Variants in SYT9 observed in about 807,000 individuals in gnomAD.
The protein encoded by SYT9 is synaptotagmin 9, also known as synaptotagmin-9.
In SYT9, 22 loss-of-function variants were observed where a neutral mutation model predicts 48.4. That is an observed-to-expected ratio of 0.45 (90% CI 0.32 to 0.65). The LOEUF (loss-of-function observed/expected upper bound fraction) is 0.65, where lower values mean the gene tolerates loss of function less well. SYT9 is among the 30% of genes least tolerant of loss of function. The pLI is 0.03. For synonymous variants in SYT9, 265 were observed against 245.0 expected, an observed-to-expected ratio of 1.08 and a Z score of -0.76; for missense variants, 577 against 622.0, an observed-to-expected ratio of 0.93 and a Z score of 0.77.
intron 2 of SYT9, among the ~76,000 whole-genome samples, chr11:7,309,246 C>T (rs1283740001): frequency 6.6e-6 from 1 of 152,152 alleles, no homozygotes; most frequent in Non-Finnish European, 1.5e-5. Context: ...GTTCCAACCC[C>T]AGCAGCCAGC....
At chr11:7,397,182 G>C (rs1846771910) in intron 3 of SYT9, among the ~76,000 whole-genome samples, 1 of 152,048 alleles carries the variant, frequency 6.6e-6, no homozygotes, top group Non-Finnish European at 1.5e-5. Context: ...CATACAAAGT[G>C]AACAAAACAT....
chr11:7,267,127 A>C (rs1003013490), intron 1 of SYT9, among the ~76,000 whole-genome samples: 1 of 152,102 alleles, frequency 6.6e-6, no homozygotes, highest in African/African-American at 2.4e-5. Flanking sequence ...TAGAAGTCAT[A>C]AACTTTTACT....
chr11:7,462,974 C>A (rs1462901520), intron 6 of SYT9, among the ~76,000 whole-genome samples: 1 of 152,222 alleles, frequency 6.6e-6, no homozygotes, highest in African/African-American at 2.4e-5. Flanking sequence ...TTCATTAGGA[C>A]AGTTCTCATC....
chr11:7,436,860 A>G (rs7102917), intron 6 of SYT9, among the ~76,000 whole-genome samples: 62,144 of 151,976 alleles, frequency 0.41, 13,018 homozygotes, highest in Middle Eastern at 0.48. Flanking sequence ...ATTACAGCTC[A>G]GCCACTTCGA....
chr11:7,466,508 G>A (rs914231602), intron 6 of SYT9, among the ~76,000 whole-genome samples: 3 of 152,112 alleles, frequency 2.0e-5, no homozygotes, highest in Non-Finnish European at 4.4e-5. Flanking sequence ...AGATCACAAG[G>A]TCAGGAGTTC....
At chr11:7,396,176 C>T (rs1846748116) in intron 3 of SYT9, among the ~76,000 whole-genome samples, 2 of 152,066 alleles carry the variant, frequency 1.3e-5, no homozygotes, top group Non-Finnish European at 1.5e-5. Context: ...GTCATGATCA[C>T]AACATAGACT....
At chr11:7,361,479 T>G (rs1850135849) in intron 3 of SYT9, among the ~76,000 whole-genome samples, 1 of 152,220 alleles carries the variant, frequency 6.6e-6, no homozygotes, top group Non-Finnish European at 1.5e-5. Context: ...ATTCCATGAT[T>G]CCTTAAAAAA....
intron 3 of SYT9, among the ~76,000 whole-genome samples, chr11:7,364,465 A>G (rs1297712578): frequency 1.3e-5 from 2 of 152,196 alleles, no homozygotes; most frequent in Non-Finnish European, 2.9e-5. Context: ...TAATGTGATT[A>G]TTTTCATTCT....
chr11:7,362,777 A>G (rs749266230), intron 3 of SYT9, among the ~76,000 whole-genome samples: 1 of 152,138 alleles, frequency 6.6e-6, no homozygotes. Context: ...ATAACATAGA[A>G]CTAGATTTTA....
chr11:7,295,499 A>G (rs1001418994), intron 1 of SYT9, among the ~76,000 whole-genome samples: 1 of 152,210 alleles, frequency 6.6e-6, no homozygotes, highest in Non-Finnish European at 1.5e-5. Flanking sequence ...TCATGGGCAC[A>G]TAAGTATTCT....
chr11:7,284,858 A>G (rs1564847183), intron 1 of SYT9, among the ~76,000 whole-genome samples: 2 of 151,924 alleles, frequency 1.3e-5, no homozygotes, highest in Non-Finnish European at 2.9e-5. Flanking sequence ...TTTGCTTCAT[A>G]TTCTTAGTGT....
intron 3 of SYT9, among the ~76,000 whole-genome samples, chr11:7,401,198 C>CT (rs569614361): frequency 0.013 from 1,950 of 151,642 alleles, 22 homozygotes; most frequent in Admixed American, 0.018. Flanking sequence ...TACTAAACAA[C>CT]TTTTTTTTGT....
intron 1 of SYT9, among the ~76,000 whole-genome samples, chr11:7,293,707 C>T (rs2133922784): frequency 6.6e-6 from 1 of 152,256 alleles, no homozygotes; most frequent in South Asian, 2.1e-4. Flanking sequence ...GGCAGTGACC[C>T]AAGGTCACAA....
chr11:7,329,740 T>G (rs1301929107), intron 3 of SYT9, among the ~76,000 whole-genome samples: 3 of 152,206 alleles, frequency 2.0e-5, no homozygotes, highest in Non-Finnish European at 4.4e-5. Context: ...ATGAAGGGGT[T>G]AGAAATGTAA....
intron 1 of SYT9, among the ~76,000 whole-genome samples, chr11:7,275,773 T>G (rs1848378097): frequency 6.6e-6 from 1 of 152,160 alleles, no homozygotes; most frequent in Admixed American, 6.6e-5. Context: ...CCTTTCCACT[T>G]GCTGCTGTTC....
At chr11:7,442,576 G>A (rs576710929) in intron 6 of SYT9, among the ~76,000 whole-genome samples, 4 of 152,260 alleles carry the variant, frequency 2.6e-5, no homozygotes, top group African/African-American at 7.2e-5. Flanking sequence ...CACTTCTGCA[G>A]CTCCCCACTC....
intron 3 of SYT9, among the ~76,000 whole-genome samples, chr11:7,403,648 ATTTAT>A (rs1846943184): frequency 6.6e-6 from 1 of 152,030 alleles, no homozygotes. Flanking sequence ...TTTATTTCTA[ATTTAT>A]TTCCATTGTG....
intron 6 of SYT9, among the ~76,000 whole-genome samples, chr11:7,456,506 G>A (rs570025495): frequency 6.6e-6 from 1 of 152,340 alleles, no homozygotes; most frequent in Admixed American, 6.5e-5. Flanking sequence ...TTGGGATCTT[G>A]CTCTTTAGCC....
At chr11:7,407,208 T>G (rs1385827874) in intron 3 of SYT9, among the ~76,000 whole-genome samples, 1 of 152,224 alleles carries the variant, frequency 6.6e-6, no homozygotes, top group East Asian at 1.9e-4. Context: ...ATTTAATAAA[T>G]TTAATATAAT....
Sources: allele counts gnomAD v4.1 joint callset (sites outside exome capture counted in the v4.1 genomes callset), GRCh38; gene constraint gnomAD v4.1.1; transcripts MANE v1.5; gene names NCBI Gene and HGNC (gene_info 2026-07-23, HGNC 2026-07-21).